The following PTBP2 variants were observed in gnomAD, a reference collection of about 807,000 sequenced individuals.
PTBP2 encodes polypyrimidine tract binding protein 2, also known as polypyrimidine tract-binding protein 2.
A neutral mutation model predicts 61.4 loss-of-function variants in PTBP2; 13 were observed. That is an observed-to-expected ratio of 0.21 (90% CI 0.14 to 0.34). The LOEUF is 0.34. Among genes scored for constraint, PTBP2 ranks in the 10% least tolerant of loss-of-function variants. PTBP2 has a pLI of 1.00. For missense variants in PTBP2, 405 were observed against 642.6 expected, an observed-to-expected ratio of 0.63 and a Z score of 4.00; for synonymous variants, 215 against 218.5, an observed-to-expected ratio of 0.98 and a Z score of 0.14.
intron 3 of PTBP2, among the ~76,000 whole-genome samples, chr1:96,759,084 A>G (rs1655491291): frequency 6.6e-6 from 1 of 151,436 alleles, no homozygotes; most frequent in Non-Finnish European, 1.5e-5. Context: ...ATTTGACAAA[A>G]GATATGTAAG....
At chr1:96,778,002 A>T (rs1658220057) in intron 7 of PTBP2, 56 bp downstream of exon 7, 13 of 897,314 alleles carry the variant, frequency 1.4e-5, no homozygotes, top group South Asian at 5.6e-5. Context: ...TATGTAGAAA[A>T]ATATATATAT....
chr1:96,818,704 A>C (rs147820391), downstream of PTBP2: 2 of 152,120 alleles, frequency 1.3e-5, no homozygotes, highest in Non-Finnish European at 2.9e-5. Context: ...ATCAGCTTCA[A>C]AGTTTTTTCC....
At position 96,722,409 on chromosome 1, in the gene PTBP2, T is replaced by C. The variant is rs1251028655; in HGVS notation, c.8+537T>C. The stretch of plus-strand genomic sequence containing the variant: ...CGGGAGAGATGCCGGTGGCGGGAGC[T>C]CCGGGGAAAGCCTAGTGGGAGCCGC... On this transcript the variant is annotated intron_variant, in intron 1 of 13. Coordinates refer to ENST00000674951, the MANE Select transcript of PTBP2 (RefSeq NM_021190.4). 3.5e-5 allele frequency among the ~76,000 whole-genome samples: 5 copies of C among 144,634 alleles called. No individual in the cohort carries two copies. In the Admixed American group the frequency reaches 3.5e-4, roughly 10 times the overall value. 94.9% of individuals were successfully genotyped at this position (144,634 alleles called of 152,430 possible). A position where few individuals can be genotyped will look rare whatever the true frequency, so the allele number is the denominator to read the frequency against.
At chr1:96,815,878 A>G (rs1327245609), downstream of PTBP2, 2 of 152,190 alleles carry the variant, frequency 1.3e-5, no homozygotes, top group Non-Finnish European at 2.9e-5. Context: ...CTCTACCAGC[A>G]TCAGATAAGT....
chr1:96,807,505 A>G (rs964712210), intron 11 of PTBP2, among the ~76,000 whole-genome samples: 2 of 152,242 alleles, frequency 1.3e-5, no homozygotes, highest in African/African-American at 4.8e-5. Flanking sequence ...GTTTGACTTC[A>G]TACATCCTCG....
chr1:96,750,636 A>T (rs1175256647), intron 2 of PTBP2, among the ~76,000 whole-genome samples: 1 of 151,948 alleles, frequency 6.6e-6, no homozygotes, highest in Non-Finnish European at 1.5e-5. Flanking sequence ...GTTGCATTTA[A>T]CTTCTTTGTA....
chr1:96,757,489 T>C (rs988795707), intron 3 of PTBP2, among the ~76,000 whole-genome samples: 14 of 152,130 alleles, frequency 9.2e-5, no homozygotes, highest in African/African-American at 1.9e-4. Context: ...AAATCCACAA[T>C]CATAGCCTGG....
At chr1:96,726,439 A>ATT (rs543660895) in intron 2 of PTBP2, among the ~76,000 whole-genome samples, 1 of 123,378 alleles carries the variant, frequency 8.1e-6, no homozygotes, top group Non-Finnish European at 1.7e-5. Context: ...TGCCAGACTA[A>ATT]TTTTTTTTTT....
chr1:96,785,260 A>G lies in PTBP2; in HGVS notation c.904+6A>G. 1 of 1,551,010 alleles carries G rather than the reference A, an allele frequency of 6.4e-7. No individual in the cohort carries two copies. Among genetic ancestry groups the G allele is most frequent in the East Asian group, 2.4e-5 (1 of 41,100 alleles). ...CAAGGAGACATCCCTCTTAGGTATG[A>G]TTTTTATTGTCTTAACCACTTTTCT... On this transcript the variant is annotated splice_donor_region_variant and intron_variant, in intron 8 of 13. Coordinates refer to ENST00000674951, the MANE Select transcript of PTBP2 (RefSeq NM_021190.4).
chr1:96,721,796 C>G lies in PTBP2; in HGVS notation c.-69C>G, dbSNP rs1649582125. The G allele has an allele frequency of 6.5e-7, 1 of 1,546,874 alleles. No individual in the cohort carries two copies. The highest frequency in any genetic ancestry group is 1.4e-5 in the African/African-American group (1 of 72,754). ...TCCGTCGGGCCCCAGCCGCCATTTT[C>G]TCGCCGCTTGTGTGGCTCGCTGGCT... On this transcript the variant is annotated 5_prime_UTR_variant, in exon 1 of 14. Transcript: ENST00000674951.
At chr1:96,766,222 T>A (rs190301444) in intron 3 of PTBP2, among the ~76,000 whole-genome samples, 28 of 152,360 alleles carry the variant, frequency 1.8e-4, no homozygotes, top group African/African-American at 6.7e-4. Flanking sequence ...TACATGAACA[T>A]CTTCCCTAAG....
chr1:96,734,643 A>G (rs889475593), intron 2 of PTBP2, among the ~76,000 whole-genome samples: 7 of 151,944 alleles, frequency 4.6e-5, no homozygotes, highest in African/African-American at 1.5e-4. Flanking sequence ...ACAGTTGCCT[A>G]TAGACTACAT....
intron 2 of PTBP2, chr1:96,751,224 G>T (rs1654497493): frequency 3.1e-6 from 2 of 652,786 alleles, no homozygotes; most frequent in South Asian, 3.2e-5. Context: ...GAGTAAAGAA[G>T]GGAAGGGAAC....
At chr1:96,772,267 G>A (rs1305120430) in intron 5 of PTBP2, among the ~76,000 whole-genome samples, 1 of 152,080 alleles carries the variant, frequency 6.6e-6, no homozygotes, top group East Asian at 1.9e-4. Flanking sequence ...TTATTATATA[G>A]GATATTAAAA....
At chr1:96,745,796 G>A (rs1653675665) in intron 2 of PTBP2, among the ~76,000 whole-genome samples, 1 of 152,068 alleles carries the variant, frequency 6.6e-6, no homozygotes, top group South Asian at 2.1e-4. Flanking sequence ...GCCGGGCGTG[G>A]TGGCTCAAGC....
rs1662259025 is a variant in PTBP2 at position 96,813,426 on chromosome 1, G to A, written c.*21G>A. ...TTTAAAAATGGGAAGATGAAGATTG[G>A]GGGTGAATCACATTGTTCAATGTCA... On this transcript the variant is annotated 3_prime_UTR_variant, in exon 14 of 14. Transcript: ENST00000674951. 2 of 1,561,966 alleles carry A rather than the reference G, an allele frequency of 1.3e-6. No homozygotes were observed. The highest frequency in any genetic ancestry group is 1.7e-6 in the Non-Finnish European group (2 of 1,151,648).
At chr1:96,808,544 T>C (rs1392403901) in intron 11 of PTBP2, among the ~76,000 whole-genome samples, 1 of 152,122 alleles carries the variant, frequency 6.6e-6, no homozygotes, top group African/African-American at 2.4e-5. Context: ...TACAGTTACA[T>C]TGGGGGTTAG....
chr1:96,792,517 T>A (rs1009873630), intron 8 of PTBP2, among the ~76,000 whole-genome samples: 1 of 152,200 alleles, frequency 6.6e-6, no homozygotes, highest in Non-Finnish European at 1.5e-5. Flanking sequence ...TAGCCTGTCG[T>A]CTTCTCACCT....
intron 7 of PTBP2, among the ~76,000 whole-genome samples, chr1:96,781,924 A>G (rs1261312608): frequency 1.3e-5 from 2 of 151,996 alleles, no homozygotes; most frequent in East Asian, 3.9e-4. Flanking sequence ...GTAGTGTATT[A>G]GGCAAAGATG....
Sources: allele counts gnomAD v4.1 joint callset (sites outside exome capture counted in the v4.1 genomes callset), GRCh38; gene constraint gnomAD v4.1.1; transcripts MANE v1.5; gene names NCBI Gene and HGNC (gene_info 2026-07-23, HGNC 2026-07-21).